The following P2RX4 variants were observed in gnomAD, a reference collection of about 807,000 sequenced individuals.
P2RX4 encodes P2X purinoceptor 4.
In P2RX4, 37 loss-of-function variants were observed where a neutral mutation model predicts 48.0. The observed-to-expected ratio is 0.77, with a 90% CI of 0.59 to 1.01. P2RX4 has a LOEUF of 1.01. Ranked by LOEUF, P2RX4 falls within the 50% of genes least tolerant of loss-of-function variation. P2RX4 has a pLI of 0.00. For missense variants in P2RX4, 501 were observed against 521.4 expected, an observed-to-expected ratio of 0.96 and a Z score of 0.38; for synonymous variants, 200 against 199.7, an observed-to-expected ratio of 1.00 and a Z score of -0.01.
intron 5 of P2RX4, among the ~76,000 whole-genome samples, chr12:121,225,988 C>T (rs1030493130): frequency 2.6e-5 from 4 of 151,556 alleles, no homozygotes; most frequent in Admixed American, 6.6e-5. Flanking sequence ...GTGATCTTCC[C>T]GCCTCATCCT....
rs1887551446 is a variant in P2RX4, at chr12:121,234,080, C to CCAGA, written c.*534_*537dup. The CCAGA allele has an allele frequency of 6.3e-6, 1 of 159,096 alleles. No individual in the cohort carries two copies. Among genetic ancestry groups the CCAGA allele is most frequent in the Admixed American group, 6.0e-5 (1 of 16,700 alleles). 9.9% of individuals were successfully genotyped at this position (159,096 alleles called of 1,614,324 possible). A position where few individuals can be genotyped will look rare whatever the true frequency, so the allele number is the denominator to read the frequency against. ...AGCGCTGTGCTAAGGTGATCGAGGA[C>CCAGA]CAGACATTAAAGCGTGATTTTCTTA... On this transcript the variant is annotated 3_prime_UTR_variant, in exon 12 of 12. Coordinates refer to ENST00000337233, the MANE Select transcript of P2RX4 (RefSeq NM_002560.3).
chr12:121,217,202 T>G lies in P2RX4; in HGVS notation c.203T>G (p.Val68Gly). 1 of 1,614,178 alleles carries G rather than the reference T, an allele frequency of 6.2e-7. No individual in the cohort carries two copies. Among genetic ancestry groups the G allele is most frequent in the Non-Finnish European group, 8.5e-7 (1 of 1,180,004 alleles). ...DSVVSSVTTK[V>G]KGVAVTNTSK... Reference sequence around the variant, plus strand: ...GTGGTCAGCTCCGTTACGACCAAGGTCAAGGGCGTGGCTGTGACCAACACT... The same window carrying G: ...GTGGTCAGCTCCGTTACGACCAAGGGCAAGGGCGTGGCTGTGACCAACACT... The change falls in exon 2 of 12, where the codon GTC becomes GGC. Residue 68 changes from valine to glycine, a missense_variant. This residue lies in a region of P2RX4 where 295 missense variants were observed against 275.3 expected (regional missense o/e 1.07). Transcript: ENST00000337233.
chr12:121,233,116 A>G (rs757872475), intron 11 of P2RX4, 24 bp downstream of exon 11: 22 of 1,513,212 alleles, frequency 1.5e-5, no homozygotes, highest in Non-Finnish European at 2.0e-5. Flanking sequence ...GGCCCCCAGC[A>G]GGCACAGGCC....
At chr12:121,225,141 T>C (rs1653623) in intron 5 of P2RX4, among the ~76,000 whole-genome samples, 53,127 of 149,530 alleles carry the variant, frequency 0.36, 9,678 homozygotes, top group South Asian at 0.4. Context: ...GGCGTGATCT[T>C]GGCTCACCAC....
At chr12:121,217,630 G>A (rs1190490863) in intron 2 of P2RX4, among the ~76,000 whole-genome samples, 1 of 152,030 alleles carries the variant, frequency 6.6e-6, no homozygotes, top group African/African-American at 2.4e-5. Flanking sequence ...TTTTCAGACA[G>A]TGTAAAAACT....
At chr12:121,224,178 AC>A (rs1337690342) in intron 5 of P2RX4, among the ~76,000 whole-genome samples, 1 of 152,174 alleles carries the variant, frequency 6.6e-6, no homozygotes, top group Non-Finnish European at 1.5e-5. Flanking sequence ...AGTCAGACCC[AC>A]CCAAGTGACA....
At chr12:121,222,398 GT>G (rs35562888) in intron 4 of P2RX4, 6,542 of 410,956 alleles carry the variant, frequency 0.016, no homozygotes, top group East Asian at 0.029. Context: ...GTTTTTTCTT[GT>G]TTTTTTTTTT....
At chr12:121,213,705 T>C (rs1886039111) in intron 1 of P2RX4, 1 of 152,024 alleles carries the variant, frequency 6.6e-6, no homozygotes, top group Non-Finnish European at 1.5e-5. Flanking sequence ...TTATTGTGTT[T>C]TTGTTTGTTT....
intron 5 of P2RX4, among the ~76,000 whole-genome samples, chr12:121,226,417 A>T (rs1414883208): frequency 6.6e-6 from 1 of 151,490 alleles, no homozygotes; most frequent in Non-Finnish European, 1.5e-5. Flanking sequence ...GGTGGTGCGC[A>T]CCTGTAATCC....
At position 121,210,205 on chromosome 12, in the gene P2RX4, A is replaced by G; in HGVS notation, c.41A>G (p.Glu14Gly). 1 of 1,552,582 alleles carries G rather than the reference A, an allele frequency of 6.4e-7. No individual in the cohort carries two copies. Among genetic ancestry groups the G allele is most frequent in the South Asian group, 1.2e-5 (1 of 84,238 alleles). Residue 14 changes from glutamate to glycine, a missense_variant, in exon 1 of 12, where the codon GAG (glutamate) becomes GGG (glycine). This residue lies in a region of P2RX4 where 295 missense variants were observed against 275.3 expected (regional missense o/e 1.07). Coordinates refer to ENST00000337233, the MANE Select transcript of P2RX4 (RefSeq NM_002560.3). ...CCAALAAFLFEYDTPRIVLIR... is the reference protein window; with the variant it reads ...CCAALAAFLFGYDTPRIVLIR... Reference sequence around the variant, plus strand: ...GCCGCGCTGGCGGCCTTCCTGTTCGAGTACGACACGCCGCGCATCGTGCTC... The same window carrying G: ...GCCGCGCTGGCGGCCTTCCTGTTCGGGTACGACACGCCGCGCATCGTGCTC...
intron 2 of P2RX4, 50 bp downstream of exon 2, chr12:121,217,331 C>T (rs1166170925): frequency 2.5e-6 from 4 of 1,584,938 alleles, no homozygotes; most frequent in Admixed American, 3.3e-5. Context: ...TTGCTCTTTA[C>T]TGACTTTGCA....
At chr12:121,222,458 A>G (rs3794212) in intron 4 of P2RX4, 60,259 of 465,456 alleles carry the variant, frequency 0.13, 4,777 homozygotes, top group Admixed American at 0.23. Flanking sequence ...TGTCACCCAA[A>G]CTGGAGTGCA....
In P2RX4 at chr12:121,210,216, C is replaced by G. The variant is rs572236544; in HGVS notation, c.52C>G (p.Pro18Ala). ...GGCCTTCCTGTTCGAGTACGACACG[C>G]CGCGCATCGTGCTCATCCGCAGCCG... ...LAAFLFEYDT[P>A]RIVLIRSRKV... Residue 18 changes from proline (P) to alanine (A), a missense_variant, in exon 1 of 12, where the codon CCG (proline) becomes GCG (alanine). Around this residue, in one of 3 missense-constraint regions of P2RX4, gnomAD observed 295 missense variants for 275.3 expected, o/e 1.07. Transcript: ENST00000337233. The G allele has an allele frequency of 6.4e-7, 1 of 1,557,830 alleles. No individual in the cohort carries two copies. Among genetic ancestry groups the G allele is most frequent in the Non-Finnish European group, 8.6e-7 (1 of 1,156,900 alleles).
Position 121,233,574 on chromosome 12 carries a change from C to A in P2RX4, c.*25C>A. The A allele has an allele frequency of 6.2e-7, 1 of 1,605,384 alleles. No homozygotes were observed. On this transcript the variant is annotated 3_prime_UTR_variant, in exon 12 of 12. Coordinates refer to ENST00000337233, the MANE Select transcript of P2RX4 (RefSeq NM_002560.3). Reference sequence around the variant, plus strand: ...AGGCCTACCCCACACCTGGGCTCTCCACAGCCCCATCAAAGAACAGAGAGG... The same window carrying A: ...AGGCCTACCCCACACCTGGGCTCTCAACAGCCCCATCAAAGAACAGAGAGG...
chr12:121,229,174 AC>A lies in P2RX4; in HGVS notation c.884+76del. On this transcript the variant is annotated intron_variant, in intron 8 of 11. Coordinates refer to ENST00000337233, the MANE Select transcript of P2RX4 (RefSeq NM_002560.3). The surrounding 1 kb of genome is among the most constrained non-coding windows in gnomAD (Gnocchi z 4.6). The stretch of plus-strand genomic sequence containing the variant: ...CTGCGTACGTGCCAGTGGGCCGCCC[AC>A]TGAAGACCAGCACTCAGGCAGCACC... 1 of 1,564,230 alleles carries A rather than the reference AC, an allele frequency of 6.4e-7. No homozygotes were observed. The highest frequency in any genetic ancestry group is 8.8e-7 in the Non-Finnish European group (1 of 1,137,108).
chr12:121,211,763 C>T (rs1885870436), intron 1 of P2RX4, among the ~76,000 whole-genome samples: 1 of 152,032 alleles, frequency 6.6e-6, no homozygotes, highest in Non-Finnish European at 1.5e-5. Flanking sequence ...CAACCTCCAC[C>T]TCCCTGGTTC....
rs147991306 is a variant in P2RX4, at chr12:121,228,811, G to A, written c.692G>A (p.Arg231His). 117 of 1,614,100 alleles carry A rather than the reference G, an allele frequency of 7.2e-5. No homozygotes were observed. In the African/African-American group the frequency reaches 1.1e-3, roughly 15 times the overall value. Residue 231 changes from arginine to histidine, a missense_variant, in exon 7 of 12, where the codon CGT becomes CAT. By Grantham distance (29) the Arg-to-His change is conservative (BLOSUM62 0). Coordinates refer to ENST00000337233, the MANE Select transcript of P2RX4 (RefSeq NM_002560.3). ...ACAGATCCCTTCTGCCCCATATTCCGTCTTGGCAAAATAGTGGAGAACGCA... is the reference window on the plus strand; with the variant it reads ...ACAGATCCCTTCTGCCCCATATTCCATCTTGGCAAAATAGTGGAGAACGCA... ...AKTDPFCPIF[R>H]LGKIVENAGH... is the part of the protein sequence containing the mutation.
At chr12:121,219,518 C>G (rs893364382) in intron 2 of P2RX4, among the ~76,000 whole-genome samples, 1 of 151,900 alleles carries the variant, frequency 6.6e-6, no homozygotes, top group African/African-American at 2.4e-5. Flanking sequence ...ATCACTTGAG[C>G]TCAGGATTCA....
chr12:121,216,776 C>T, intron 1 of P2RX4: 1 of 562,868 alleles, frequency 1.8e-6, no homozygotes, highest in East Asian at 3.1e-5. Flanking sequence ...GCCAAGATCA[C>T]ACCATTGCAC....
Sources: allele counts gnomAD v4.1 joint callset (sites outside exome capture counted in the v4.1 genomes callset), GRCh38; gene constraint gnomAD v4.1.1; regional missense constraint gnomAD v4.1.1; non-coding constraint Gnocchi (gnomAD v3.1); transcripts MANE v1.5; gene names NCBI Gene and HGNC (gene_info 2026-07-23, HGNC 2026-07-21).